The following JAG2 variants were observed in gnomAD, a reference collection of about 807,000 sequenced individuals.
JAG2 encodes the protein jagged canonical Notch ligand 2.
Under a neutral mutation model 141.7 loss-of-function variants are expected in JAG2, and 46 were observed. The ratio of observed to expected loss-of-function variants is 0.32; its 90% CI spans 0.26 to 0.42. JAG2 has a LOEUF of 0.42. JAG2 is among the 10% of genes least tolerant of loss of function. The pLI, the probability that JAG2 is intolerant of heterozygous loss-of-function variation, is 1.00. For synonymous variants in JAG2, 862 were observed against 763.5 expected, an observed-to-expected ratio of 1.13 and a Z score of -2.13; for missense variants, 1,500 against 1,817.5, an observed-to-expected ratio of 0.83 and a Z score of 3.18.
At chr14:105,164,592 C>G (rs587668785) in intron 2 of JAG2, among the ~76,000 whole-genome samples, 1 of 152,238 alleles carries the variant, frequency 6.6e-6, no homozygotes, top group Non-Finnish European at 1.5e-5. Flanking sequence ...ACACCTGCCA[C>G]GAGCAGCTTA....
rs587670688 is a variant in JAG2, at chr14:105,160,419, C to G, written c.418-2656G>C. On this transcript the variant is annotated intron_variant, in intron 2 of 25. Coordinates refer to ENST00000331782, the MANE Select transcript of JAG2 (RefSeq NM_002226.5). ...AACACCTGGAGCACCCAGCCGCTTC[C>G]CAGGCGTCTGGCATTTGGCTCCTTC... Among the ~76,000 whole-genome samples, 929 of 147,886 alleles carry G rather than the reference C, an allele frequency of 6.3e-3. 10 individuals carry two copies. Among genetic ancestry groups the G allele is most frequent in the African/African-American group, 0.022 (882 of 39,658 alleles).
intron 14 of JAG2, 23 bp downstream of exon 14, chr14:105,148,914 G>A (rs1045541345): frequency 6.3e-7 from 1 of 1,597,734 alleles, no homozygotes; most frequent in Non-Finnish European, 8.5e-7. Flanking sequence ...CCCACCACCA[G>A]CCCGCCGTTC....
In JAG2 at chr14:105,143,143, G is replaced by A; in HGVS notation, c.3269C>T (p.Ala1090Val). The A allele has an allele frequency of 6.3e-7, 1 of 1,598,612 alleles. No homozygotes were observed. The highest frequency in any genetic ancestry group is 8.5e-7 in the Non-Finnish European group (1 of 1,179,672). Residue 1090 changes from alanine to valine, a missense_variant, in exon 26 of 26, where the codon GCC (alanine) becomes GTC (valine). Transcript: ENST00000331782. ...GCACGCCAGCCACAGCACGCTGAAG[G>A]CACCACACAGCACAGGCACCAGCAG... Reference protein sequence around the residue: ...TGLLVPVLCGAFSVLWLACVV... With the variant: ...TGLLVPVLCGVFSVLWLACVV...
chr14:105,151,590 T>C (rs1888433699), intron 8 of JAG2, 36 bp downstream of exon 8: 2 of 1,523,338 alleles, frequency 1.3e-6, no homozygotes, highest in Non-Finnish European at 1.8e-6. Context: ...CCACTGATAC[T>C]AGGCAGGAGT....
intron 18 of JAG2, 42 bp from the exon 19 acceptor site, chr14:105,147,569 C>G (rs1888265435): frequency 6.3e-7 from 1 of 1,592,668 alleles, no homozygotes; most frequent in African/African-American, 1.3e-5. Context: ...GTACCCACCC[C>G]CCAAGCGTGC....
chr14:105,145,108 G>T, intron 23 of JAG2, 47 bp from the exon 24 acceptor site: 1 of 1,604,592 alleles, frequency 6.2e-7, no homozygotes, highest in South Asian at 1.1e-5. Context: ...CCGTGAACCT[G>T]ACACCTACAT....
chr14:105,145,110 C>T, intron 23 of JAG2, 49 bp from the exon 24 acceptor site: 1 of 1,603,858 alleles, frequency 6.2e-7, no homozygotes. Flanking sequence ...GTGAACCTGA[C>T]ACCTACATCC....
chr14:105,155,571 C>T lies in JAG2; in HGVS notation c.779G>A (p.Gly260Glu), dbSNP rs1384762219. The T allele has an allele frequency of 5.6e-6, 9 of 1,612,726 alleles. No individual in the cohort carries two copies. Among genetic ancestry groups the T allele is most frequent in the South Asian group, 1.1e-5 (1 of 91,090 alleles). The change falls in exon 5 of 26, where the codon GGG becomes GAG. Residue 260 changes from glycine (G) to glutamate (E), a missense_variant. By Grantham distance (98) the Gly-to-Glu change is moderately conservative. Coordinates refer to ENST00000331782, the MANE Select transcript of JAG2 (RefSeq NM_002226.5). ...NLLHGGCTVP[G>E]ECRCSYGWQG... ...CCGGCGGCACACTCACCTGCACTCCCCAGGCACGGTGCATCCCCCGTGGAG... is the reference window on the plus strand; with the variant it reads ...CCGGCGGCACACTCACCTGCACTCCTCAGGCACGGTGCATCCCCCGTGGAG...
chr14:105,149,419 C>G (rs1207473301), intron 12 of JAG2, 99 bp from the exon 13 acceptor site: 10 of 1,483,776 alleles, frequency 6.7e-6, no homozygotes, highest in Non-Finnish European at 2.8e-6. Flanking sequence ...CTGGGGACCC[C>G]CAGGCCCCTC....
At chr14:105,153,699 C>T (rs998916478) in intron 5 of JAG2, among the ~76,000 whole-genome samples, 6 of 152,212 alleles carry the variant, frequency 3.9e-5, no homozygotes, top group East Asian at 3.9e-4. Context: ...GAGGGGCAGG[C>T]GGAGCTCACC....
rs79806511 is a variant in JAG2, at chr14:105,142,447, G to A, written c.*248C>T. ...CCTTTGCTCTCTCCTTTCATACAGC[G>A]AGTGCCACGCACGGAAACTTTACAA... On this transcript the variant is annotated 3_prime_UTR_variant, in exon 26 of 26. Transcript: ENST00000331782. 0.012 allele frequency: 6,171 copies of A among 510,156 alleles called. 65 individuals carry two copies. The highest frequency in any genetic ancestry group is 0.013 in the Non-Finnish European group (3,774 of 286,182). 31.6% of individuals were successfully genotyped at this position (510,156 alleles called of 1,614,324 possible).
At position 105,149,784 on chromosome 14, in the gene JAG2, G is replaced by A. The variant is rs749308784; in HGVS notation, c.1603-464C>T. On this transcript the variant is annotated intron_variant, in intron 12 of 25. Transcript: ENST00000331782. ...CACCAAGGCCAGGGCAGGATCGTGG[G>A]CGGCCGAGGGTGGTAGGGAGGTGGG... Among the ~76,000 whole-genome samples, 415 of 143,954 alleles carry A rather than the reference G, an allele frequency of 2.9e-3. 3 individuals carry two copies. The highest frequency in any genetic ancestry group is 4.5e-3 in the Non-Finnish European group (296 of 65,918). The allele number at this position is 143,954 out of a possible 152,430, so 94.4% of individuals were successfully genotyped here.
rs147352437 is a variant in JAG2 at position 105,155,853 on chromosome 14, G to A, written c.612C>T (p.Ser204=). 2.0e-5 allele frequency: 32 copies of A among 1,612,410 alleles called. No homozygotes were observed. Among genetic ancestry groups the A allele is most frequent in the African/African-American group, 5.3e-5 (4 of 74,942 alleles). The part of the protein sequence containing the change: ...IRVRCDENYY[S]ATCNKFCRPR... ...GCCGGCAGAACTTGTTGCAAGTGGC[G>A]CTGTAGTAGTTCTCGTCGCAGCGCA... The change falls in exon 4 of 26, where the codon AGC becomes AGT. Residue 204 remains serine (S), a synonymous_variant. Coordinates refer to ENST00000331782, the MANE Select transcript of JAG2 (RefSeq NM_002226.5).
In JAG2 at chr14:105,154,126, C is replaced by T. The variant is rs1185292453; in HGVS notation, c.788+1436G>A. 1.3e-5 allele frequency among the ~76,000 whole-genome samples: 2 copies of T among 152,168 alleles called. No homozygotes were observed. Among genetic ancestry groups the T allele is most frequent in the Non-Finnish European group, 2.9e-5 (2 of 68,022 alleles). On this transcript the variant is annotated intron_variant, in intron 5 of 25. Transcript: ENST00000331782. This position sits in a 1 kb window ranked among gnomAD's most constrained non-coding sequence, Gnocchi z 4.4. ...TCAACCGTGGGGCCTGTGGAAGGGT[C>T]ACCCACCTCCCCACCTTGGCTCCCA...
intron 22 of JAG2, 47 bp from the exon 23 acceptor site, chr14:105,146,020 T>A (rs201090561): frequency 6.4e-7 from 1 of 1,571,996 alleles, no homozygotes; most frequent in African/African-American, 1.4e-5. Flanking sequence ...CACAGGAGGG[T>A]CAGATGCAGG....
intron 20 of JAG2, 174 bp downstream of exon 20, chr14:105,147,152 A>G: frequency 1.5e-6 from 1 of 661,338 alleles, no homozygotes; most frequent in Non-Finnish European, 2.7e-6. Context: ...GGCAGGGTAT[A>G]CAGCAGGAAC....
At chr14:105,168,156 G>A in intron 1 of JAG2, 49 bp from the exon 2 acceptor site, 7 of 1,414,646 alleles carry the variant, frequency 4.9e-6, no homozygotes, top group Non-Finnish European at 6.4e-6. Context: ...GCCGGGGTCG[G>A]CGGGCCGGGC....
At chr14:105,143,908 G>A (rs904448956) in intron 24 of JAG2, among the ~76,000 whole-genome samples, 1 of 150,948 alleles carries the variant, frequency 6.6e-6, no homozygotes, top group Non-Finnish European at 1.5e-5. Context: ...GCGAGCAGTG[G>A]GGGGAAGGGG....
intron 2 of JAG2, 87 bp from the exon 3 acceptor site, chr14:105,157,850 T>A: frequency 8.2e-7 from 1 of 1,217,668 alleles, no homozygotes; most frequent in Non-Finnish European, 1.2e-6. Context: ...GCTCAGACGC[T>A]GCCCCTGGGT....
Sources: allele counts gnomAD v4.1 joint callset (sites outside exome capture counted in the v4.1 genomes callset), GRCh38; gene constraint gnomAD v4.1.1; non-coding constraint Gnocchi (gnomAD v3.1); transcripts MANE v1.5; gene names NCBI Gene and HGNC (gene_info 2026-07-23, HGNC 2026-07-21).